PARD3B: variants seen among roughly 807,000 people sequenced by gnomAD.
PARD3B encodes partitioning defective 3 homolog B.
A neutral mutation model predicts 130.2 loss-of-function variants in PARD3B; 103 were observed. The observed-to-expected ratio is 0.79, with a 90% CI of 0.67 to 0.93. PARD3B has a LOEUF of 0.93. Ranked by LOEUF, PARD3B falls within the 40% of genes least tolerant of loss-of-function variation. The pLI is 0.00. For synonymous variants in PARD3B, 583 were observed against 553.2 expected (o/e 1.05, Z -0.76); for missense variants, 1,609 against 1,499.2 (o/e 1.07, Z -1.21).
rs1164188646 is a variant in PARD3B, at chr2:204,675,837, A to G, written c.121-10344A>G. On this transcript the variant is annotated intron_variant, in intron 1 of 22. Coordinates refer to ENST00000406610, the MANE Select transcript of PARD3B (RefSeq NM_001302769.2). This position sits in a 1 kb window ranked among gnomAD's most constrained non-coding sequence, Gnocchi z 4.4. The stretch of plus-strand genomic sequence containing the variant: ...AATAAGTAATATTATTAAAACTTAG[A>G]TTATGAGATACTGTAGAAACAAATT... Among the ~76,000 whole-genome samples the G allele has an allele frequency of 6.6e-6, 1 of 152,330 alleles. No homozygotes were observed. Among genetic ancestry groups the G allele is most frequent in the African/African-American group, 2.4e-5 (1 of 41,590 alleles).
intron 3 of PARD3B, among the ~76,000 whole-genome samples, chr2:205,039,758 C>T (rs1271187193): frequency 6.6e-6 from 1 of 152,258 alleles, no homozygotes; most frequent in African/African-American, 2.4e-5. Flanking sequence ...GCGTGAGCCA[C>T]CACACTCAGC....
Position 205,589,415 on chromosome 2 carries a change from C to T in PARD3B, c.3261-26041C>T, listed in dbSNP as rs2054306126. Among the ~76,000 whole-genome samples the T allele has an allele frequency of 6.6e-6, 1 of 152,146 alleles. No homozygotes were observed. Among genetic ancestry groups the T allele is most frequent in the Admixed American group, 6.5e-5 (1 of 15,270 alleles). ...AAATCAGGCTCTCCAAACCTCTGTT[C>T]CCACGGCAACTCCAGATCCAGTCCC... On this transcript the variant is annotated intron_variant, in intron 22 of 22. Coordinates refer to ENST00000406610, the MANE Select transcript of PARD3B (RefSeq NM_001302769.2). The surrounding 1 kb of genome is among the most constrained non-coding windows in gnomAD (Gnocchi z 4.1).
intron 21 of PARD3B, among the ~76,000 whole-genome samples, chr2:205,543,574 G>A (rs2052259079): frequency 2.6e-5 from 4 of 152,216 alleles, no homozygotes; most frequent in Admixed American, 1.3e-4. Flanking sequence ...GAGCAGCATT[G>A]TCGGGGGAGA....
chr2:205,555,603 A>G (rs2052847439), intron 22 of PARD3B, among the ~76,000 whole-genome samples: 1 of 152,174 alleles, frequency 6.6e-6, no homozygotes, highest in South Asian at 2.1e-4. Context: ...GTATGAATTG[A>G]CAAAATCCCG....
intron 3 of PARD3B, among the ~76,000 whole-genome samples, chr2:204,966,747 C>G (rs1391683197): frequency 1.3e-5 from 2 of 152,052 alleles, no homozygotes; most frequent in Non-Finnish European, 2.9e-5. Context: ...AAAAAAAAGT[C>G]AGCCGAGATT....
At chr2:205,573,910 T>C (rs1424730321) in intron 22 of PARD3B, among the ~76,000 whole-genome samples, 1 of 152,188 alleles carries the variant, frequency 6.6e-6, no homozygotes, top group Non-Finnish European at 1.5e-5. Flanking sequence ...CTTCTCTCTA[T>C]GGTATGGAGT....
At chr2:205,412,788 G>T (rs2046645585) in intron 19 of PARD3B, among the ~76,000 whole-genome samples, 1 of 152,144 alleles carries the variant, frequency 6.6e-6, no homozygotes, top group African/African-American at 2.4e-5. Flanking sequence ...CCGAATGAAT[G>T]GAAATTCAAT....
intron 2 of PARD3B, among the ~76,000 whole-genome samples, chr2:204,719,447 A>G (rs1303854037): frequency 2.0e-5 from 3 of 152,226 alleles, no homozygotes; most frequent in East Asian, 1.9e-4. Context: ...TCTTAATAGC[A>G]GATATCTTTA....
intron 21 of PARD3B, among the ~76,000 whole-genome samples, chr2:205,535,771 G>A (rs1188792375): frequency 6.6e-6 from 1 of 152,096 alleles, no homozygotes. Flanking sequence ...AATTCCTCAG[G>A]CAATAGCCAA....
intron 21 of PARD3B, among the ~76,000 whole-genome samples, chr2:205,533,877 G>A (rs540808375): frequency 9.2e-5 from 14 of 152,184 alleles, no homozygotes; most frequent in African/African-American, 2.9e-4. Flanking sequence ...ACAGGCCCAC[G>A]CCACCACATG....
chr2:205,604,126 T>G (rs13031793), intron 22 of PARD3B, among the ~76,000 whole-genome samples: 83,936 of 152,086 alleles, frequency 0.55, 23,968 homozygotes, highest in Middle Eastern at 0.61. Flanking sequence ...AGCTGGATAT[T>G]ATATCCTGGG....
intron 3 of PARD3B, among the ~76,000 whole-genome samples, chr2:204,976,678 G>C (rs1692193587): frequency 7.0e-6 from 1 of 143,168 alleles, no homozygotes; most frequent in African/African-American, 2.6e-5. Flanking sequence ...TGTGATCTCA[G>C]CTCACTGCAA....
At chr2:205,203,462 TA>T (rs1328692254) in intron 15 of PARD3B, among the ~76,000 whole-genome samples, 2 of 151,148 alleles carry the variant, frequency 1.3e-5, no homozygotes, top group South Asian at 4.2e-4. Context: ...TTTTACTTTT[TA>T]TTTTTTTACT....
intron 1 of PARD3B, chr2:204,558,253 G>A (rs1461967884): frequency 1.3e-5 from 2 of 152,130 alleles, no homozygotes; most frequent in East Asian, 3.8e-4. Flanking sequence ...AACTCTCTGA[G>A]TTGTCCCTGT....
At chr2:205,576,526 T>C (rs1461028351) in intron 22 of PARD3B, among the ~76,000 whole-genome samples, 2 of 152,206 alleles carry the variant, frequency 1.3e-5, no homozygotes, top group Non-Finnish European at 2.9e-5. Flanking sequence ...TGTCCAGTTG[T>C]TCCAGCATCC....
intron 20 of PARD3B, among the ~76,000 whole-genome samples, chr2:205,449,186 A>G (rs1184132956): frequency 6.6e-6 from 1 of 151,246 alleles, no homozygotes; most frequent in East Asian, 1.9e-4. Flanking sequence ...AAAAAAAAAA[A>G]AGTGTGGGAA....
In PARD3B at chr2:205,383,138, A is replaced by AGATAGATAGATAGATCGATC. The variant is rs955641992; in HGVS notation, c.2631-17872_2631-17871insAGATAGATAGATCGATCGAT. On this transcript the variant is annotated intron_variant, in intron 18 of 22. Coordinates refer to ENST00000406610, the MANE Select transcript of PARD3B (RefSeq NM_001302769.2). ...TAGATAGATAGATAGATAGATAGAT[A>AGATAGATAGATAGATCGATC]GATCGATCTAAACTATGTCTACACA... Among the ~76,000 whole-genome samples the AGATAGATAGATAGATCGATC allele has an allele frequency of 5.1e-5, 7 of 138,548 alleles. No individual in the cohort carries two copies. The East Asian group carries it at 6.0e-4, about 12-fold the overall frequency. 90.9% of individuals were successfully genotyped at this position (138,548 alleles called of 152,430 possible). A position where few individuals can be genotyped will look rare whatever the true frequency, so the allele number is the denominator to read the frequency against.
At chr2:204,935,989 G>A (rs1016825930) in intron 2 of PARD3B, among the ~76,000 whole-genome samples, 5 of 152,182 alleles carry the variant, frequency 3.3e-5, no homozygotes, top group African/African-American at 1.2e-4. Flanking sequence ...TAGGTTCTGG[G>A]AAGGCCCTAA....
chr2:205,361,962 A>G (rs941117657), intron 18 of PARD3B, among the ~76,000 whole-genome samples: 1 of 151,792 alleles, frequency 6.6e-6, no homozygotes, highest in Non-Finnish European at 1.5e-5. Context: ...TCAGTGTCTC[A>G]GAGTTGGAAA....
Sources: allele counts gnomAD v4.1 joint callset (sites outside exome capture counted in the v4.1 genomes callset), GRCh38; gene constraint gnomAD v4.1.1; non-coding constraint Gnocchi (gnomAD v3.1); transcripts MANE v1.5; gene names NCBI Gene and HGNC (gene_info 2026-07-23, HGNC 2026-07-21).